MRPS18A: variants seen among roughly 807,000 people sequenced by gnomAD.
The protein encoded by MRPS18A is large ribosomal subunit protein mL66.
Under a neutral mutation model 22.7 loss-of-function variants are expected in MRPS18A, and 20 were observed. That is an observed-to-expected ratio of 0.88 (90% confidence interval 0.62 to 1.28). MRPS18A has a LOEUF of 1.28. MRPS18A is among the 50% of genes most tolerant of loss of function. MRPS18A has a pLI of 0.00. For missense variants in MRPS18A, 294 were observed against 262.6 expected, an observed-to-expected ratio of 1.12 and a Z score of -0.83; for synonymous variants, 106 against 99.1, an observed-to-expected ratio of 1.07 and a Z score of -0.41.
At chr6:43,687,030 G>C (rs1774743149) in intron 1 of MRPS18A, among the ~76,000 whole-genome samples, 2 of 152,228 alleles carry the variant, frequency 1.3e-5, no homozygotes, top group Non-Finnish European at 2.9e-5. Context: ...TCTGTCTCCA[G>C]AATTCCTTCA....
At chr6:43,687,619 C>G (rs1293065523) in intron 1 of MRPS18A, 49 bp downstream of exon 1, 9 of 1,453,728 alleles carry the variant, frequency 6.2e-6, no homozygotes, top group Admixed American at 2.0e-5. Flanking sequence ...CGGAAGCAGT[C>G]TCTGCCGCTC....
chr6:43,682,008 A>G (rs965115148), intron 1 of MRPS18A, among the ~76,000 whole-genome samples: 1 of 152,276 alleles, frequency 6.6e-6, no homozygotes, highest in African/African-American at 2.4e-5. Flanking sequence ...TTCTTTAGAA[A>G]GATAGAAGCC....
intron 1 of MRPS18A, among the ~76,000 whole-genome samples, chr6:43,683,102 T>A (rs1325660307): frequency 3.0e-4 from 45 of 152,056 alleles, no homozygotes; most frequent in Admixed American, 3.0e-3. Flanking sequence ...AAAACACACA[T>A]CACTCCCGGC....
chr6:43,678,156 G>A (rs1178073155), intron 3 of MRPS18A, among the ~76,000 whole-genome samples: 2 of 152,066 alleles, frequency 1.3e-5, no homozygotes, highest in Non-Finnish European at 2.9e-5. Context: ...AACCACGGGA[G>A]AGCATTGAAA....
intron 3 of MRPS18A, among the ~76,000 whole-genome samples, chr6:43,677,473 T>C (rs1052479960): frequency 2.0e-5 from 3 of 152,190 alleles, no homozygotes; most frequent in African/African-American, 7.2e-5. Context: ...CAGGTCAAAC[T>C]GGCCCAGAGC....
At chr6:43,679,105 GC>G (rs1352643991) in intron 2 of MRPS18A, among the ~76,000 whole-genome samples, 1 of 152,224 alleles carries the variant, frequency 6.6e-6, no homozygotes, top group Non-Finnish European at 1.5e-5. Flanking sequence ...GCAGTTCCCA[GC>G]TTTATCTTAC....
intron 1 of MRPS18A, among the ~76,000 whole-genome samples, chr6:43,681,801 G>A (rs1266661664): frequency 1.3e-5 from 2 of 152,220 alleles, no homozygotes; most frequent in Non-Finnish European, 2.9e-5. Context: ...TCCAAACAGA[G>A]AGGGACACCC....
chr6:43,679,326 G>GA (rs1233792775), intron 2 of MRPS18A, among the ~76,000 whole-genome samples: 3 of 152,190 alleles, frequency 2.0e-5, no homozygotes, highest in Non-Finnish European at 4.4e-5. Flanking sequence ...TAGCAAGGCT[G>GA]AAAAAACCCG....
intron 5 of MRPS18A, among the ~76,000 whole-genome samples, chr6:43,672,800 T>C (rs529241294): frequency 1.3e-5 from 2 of 152,316 alleles, no homozygotes; most frequent in South Asian, 4.1e-4. Context: ...TTTATGCAGT[T>C]CAACTGAGCT....
chr6:43,681,249 C>T (rs1002392999), intron 1 of MRPS18A, 129 bp from the exon 2 acceptor site: 2 of 966,588 alleles, frequency 2.1e-6, no homozygotes, highest in South Asian at 3.1e-5. Flanking sequence ...TGGTCTCCAC[C>T]TAGAACAGAA....
rs1404178574 is a variant in MRPS18A at position 43,687,738 on chromosome 6, A to T, written c.42T>A (p.Leu14=). 6.3e-7 allele frequency: 1 copy of T among 1,587,448 alleles called. No homozygotes were observed. Among genetic ancestry groups the T allele is most frequent in the Non-Finnish European group, 8.6e-7 (1 of 1,166,996 alleles). Residue 14 remains leucine, a synonymous_variant, in exon 1 of 6, where the codon CTT becomes CTA. Coordinates refer to ENST00000372133, the MANE Select transcript of MRPS18A (RefSeq NM_018135.4). ...CCGGGCCCGCTAGTAGCCCACGGAGAAGCCGCCCACAGCCGGACACCAGAG... is the reference window on the plus strand; with the variant it reads ...CCGGGCCCGCTAGTAGCCCACGGAGTAGCCGCCCACAGCCGGACACCAGAG... ...LKALVSGCGR[L]LRGLLAGPAA...
At chr6:43,686,279 G>A (rs1774691664) in intron 1 of MRPS18A, among the ~76,000 whole-genome samples, 1 of 152,160 alleles carries the variant, frequency 6.6e-6, no homozygotes, top group African/African-American at 2.4e-5. Context: ...TTGACACTTG[G>A]TAGACTCCCC....
intron 2 of MRPS18A, among the ~76,000 whole-genome samples, chr6:43,679,583 T>C (rs1425632470): frequency 1.3e-5 from 2 of 152,050 alleles, no homozygotes; most frequent in Non-Finnish European, 2.9e-5. Context: ...TTAGCTCCAA[T>C]TGCAAGAGGG....
chr6:43,672,361 T>C (rs1773773129), intron 5 of MRPS18A: 2 of 472,066 alleles, frequency 4.2e-6, no homozygotes, highest in Admixed American at 2.3e-5. Context: ...CTATAACTGG[T>C]ATAAGACCCC....
At chr6:43,685,074 G>A (rs1774618906) in intron 1 of MRPS18A, among the ~76,000 whole-genome samples, 1 of 152,144 alleles carries the variant, frequency 6.6e-6, no homozygotes, top group African/African-American at 2.4e-5. Context: ...CTGGTGGAGA[G>A]GGAAGAGGGC....
chr6:43,685,787 T>C (rs184608866), intron 1 of MRPS18A, among the ~76,000 whole-genome samples: 3 of 152,364 alleles, frequency 2.0e-5, no homozygotes, highest in African/African-American at 4.8e-5. Context: ...ATATGTATAA[T>C]ACTTTATGCC....
rs377621054 is a variant in MRPS18A, at chr6:43,675,192, G to A, written c.446+10C>T. The A allele has an allele frequency of 3.3e-6, 5 of 1,511,924 alleles. No homozygotes were observed. In the African/African-American group the frequency reaches 7.0e-5, roughly 21 times the overall value. The allele number at this position is 1,511,924 out of a possible 1,614,324, so 93.7% of individuals were successfully genotyped here. On this transcript the variant is annotated intron_variant, in intron 5 of 5. Coordinates refer to ENST00000372133, the MANE Select transcript of MRPS18A (RefSeq NM_018135.4). ...GAACGCTCAGGTTGTTCACACCCAG[G>A]CTTGCTTACCGGTTGAGTTGGGGTT... is the stretch of plus-strand genomic sequence containing the variant.
chr6:43,679,515 C>G (rs1774267675), intron 2 of MRPS18A, among the ~76,000 whole-genome samples: 1 of 152,222 alleles, frequency 6.6e-6, no homozygotes, highest in Non-Finnish European at 1.5e-5. Context: ...CCTATCGCTG[C>G]CGTATCCTGT....
chr6:43,676,047 C>T (rs1251038987), intron 3 of MRPS18A, among the ~76,000 whole-genome samples: 5 of 151,986 alleles, frequency 3.3e-5, no homozygotes, highest in Admixed American at 6.6e-5. Flanking sequence ...GATGGGGTCT[C>T]GCTATGTTGC....
Sources: gnomAD v4.1 joint callset for allele counts (sites outside exome capture counted in the v4.1 genomes callset) on GRCh38, gnomAD v4.1.1 for gene constraint, MANE v1.5 for transcripts, NCBI Gene and HGNC (gene_info 2026-07-23, HGNC 2026-07-21) for gene names.